Variants in GARRE1 observed in about 807,000 individuals in gnomAD.
GARRE1 encodes granule associated Rac and RHOG effector 1.
A neutral mutation model predicts 103.2 loss-of-function variants in GARRE1; 49 were observed. The observed-to-expected ratio is 0.47, with a 90% confidence interval of 0.38 to 0.60. The LOEUF is 0.60. GARRE1 is among the 20% of genes least tolerant of loss of function. The probability of loss-of-function intolerance (pLI) is 0.00; values close to 1 mark genes in which losing one functional copy is unlikely to be tolerated. For missense variants in GARRE1, 1,199 were observed against 1,370.5 expected (o/e 0.87, Z 1.98); for synonymous variants, 505 against 532.8 (o/e 0.95, Z 0.72).
At chr19:34,290,184 C>T (rs895184564) in intron 1 of GARRE1, among the ~76,000 whole-genome samples, 2 of 151,918 alleles carry the variant, frequency 1.3e-5, no homozygotes, top group Admixed American at 6.6e-5. Context: ...TGGTGAAACC[C>T]AGCTCTATAA....
At chr19:34,332,323 A>G (rs1215272782) in intron 7 of GARRE1, among the ~76,000 whole-genome samples, 3 of 152,186 alleles carry the variant, frequency 2.0e-5, no homozygotes, top group African/African-American at 7.2e-5. Flanking sequence ...TGGCTTTAGT[A>G]TATCGATCCA....
rs547546390 is a variant in GARRE1, at chr19:34,327,159, T to TAAAA, written c.706-261_706-258dup. Among the ~76,000 whole-genome samples, 229 of 122,704 alleles carry TAAAA rather than the reference T, an allele frequency of 1.9e-3. 2 individuals carry two copies. The highest frequency in any genetic ancestry group is 6.0e-3 in the African/African-American group (153 of 25,666). 80.5% of individuals were successfully genotyped at this position (122,704 alleles called of 152,430 possible). On this transcript the variant is annotated intron_variant, in intron 3 of 13. Transcript: ENST00000299505. The stretch of plus-strand genomic sequence containing the variant: ...GACAGAGTAAGACCTTGTCTCAAAA[T>TAAAA]AAAATAAAATAAAATAAAATAAAAT...
At position 34,299,889 on chromosome 19, in the gene GARRE1, G is replaced by T. The variant is rs1272013355; in HGVS notation, c.-585G>T. The T allele has an allele frequency of 1.3e-5, 2 of 152,108 alleles. No individual in the cohort carries two copies. The highest frequency in any genetic ancestry group is 3.8e-4 in the East Asian group (2 of 5,202). 9.4% of individuals were successfully genotyped at this position (152,108 alleles called of 1,614,324 possible). On this transcript the variant is annotated 5_prime_UTR_variant, in exon 2 of 14. Coordinates refer to ENST00000299505, the MANE Select transcript of GARRE1 (RefSeq NM_014686.5). ...TTCAGGAAACATTAGAGGAAATTTG[G>T]AGAATTTCAGCATTGCATAGAAGCA...
chr19:34,286,064 G>A (rs2145226520), intron 1 of GARRE1, among the ~76,000 whole-genome samples: 1 of 152,110 alleles, frequency 6.6e-6, no homozygotes, highest in Admixed American at 6.5e-5. Flanking sequence ...AGGCACAGTG[G>A]CACACGCCTG....
chr19:34,321,278 G>A (rs1477591163), intron 3 of GARRE1, among the ~76,000 whole-genome samples: 12 of 126,420 alleles, frequency 9.5e-5, no homozygotes, highest in South Asian at 2.5e-4. Context: ...GGGTTTCATC[G>A]TGTTAGCCAG....
At chr19:34,276,359 T>C (rs1163134310) in intron 1 of GARRE1, among the ~76,000 whole-genome samples, 1 of 152,172 alleles carries the variant, frequency 6.6e-6, no homozygotes, top group African/African-American at 2.4e-5. Flanking sequence ...TATTTGATCA[T>C]CAGTTTTGGC....
intron 1 of GARRE1, among the ~76,000 whole-genome samples, chr19:34,275,885 T>C (rs1309460920): frequency 3.9e-5 from 6 of 152,170 alleles, no homozygotes; most frequent in Non-Finnish European, 8.8e-5. Context: ...TTGTCAACAC[T>C]TGTTATTGTC....
At chr19:34,255,370 C>T (rs1270321007) in intron 1 of GARRE1, among the ~76,000 whole-genome samples, 1 of 152,212 alleles carries the variant, frequency 6.6e-6, no homozygotes, top group East Asian at 1.9e-4. Flanking sequence ...CTTTGGGGGC[C>T]TCCAGTTTGA....
chr19:34,291,300 CA>C (rs2073916729), intron 1 of GARRE1, among the ~76,000 whole-genome samples: 1 of 152,062 alleles, frequency 6.6e-6, no homozygotes, highest in Non-Finnish European at 1.5e-5. Flanking sequence ...GATTGATGTA[CA>C]AAAAGGAGAC....
chr19:34,282,151 GT>G (rs1039714500), intron 1 of GARRE1, among the ~76,000 whole-genome samples: 16 of 150,320 alleles, frequency 1.1e-4, no homozygotes, highest in Non-Finnish European at 1.9e-4. Flanking sequence ...TTTGCTTTTG[GT>G]TTTTTTTTCT....
intron 1 of GARRE1, among the ~76,000 whole-genome samples, chr19:34,273,411 T>C (rs1009442871): frequency 1.3e-5 from 2 of 152,214 alleles, no homozygotes; most frequent in African/African-American, 4.8e-5. Context: ...TATTTATTTA[T>C]TTTAAGCAGA....
chr19:34,327,624 T>A, intron 4 of GARRE1, 63 bp downstream of exon 4: 1 of 1,575,794 alleles, frequency 6.3e-7, no homozygotes, highest in South Asian at 1.1e-5. Flanking sequence ...GGAGTTAAAG[T>A]TGTGATGTTG....
chr19:34,267,756 A>G (rs1489013620), intron 1 of GARRE1, among the ~76,000 whole-genome samples: 3 of 150,480 alleles, frequency 2.0e-5, no homozygotes, highest in Non-Finnish European at 4.4e-5. Flanking sequence ...TGAATAAATT[A>G]TATAATTGCT....
intron 1 of GARRE1, among the ~76,000 whole-genome samples, chr19:34,260,757 G>A (rs1396360301): frequency 2.0e-5 from 3 of 152,296 alleles, no homozygotes; most frequent in South Asian, 2.1e-4. Context: ...AAGATATTTC[G>A]TAAATGTAGT....
chr19:34,262,315 T>TTTTTTTTG (rs1180314605), intron 1 of GARRE1, among the ~76,000 whole-genome samples: 1 of 143,836 alleles, frequency 7.0e-6, no homozygotes. Context: ...TTTTTTTTTT[T>TTTTTTTTG]GAGGCGGAGT....
intron 1 of GARRE1, among the ~76,000 whole-genome samples, chr19:34,294,007 C>T (rs2073933322): frequency 6.6e-6 from 1 of 151,880 alleles, no homozygotes; most frequent in Admixed American, 6.6e-5. Flanking sequence ...GGTGATCCAT[C>T]TGCCTCAGCC....
At chr19:34,255,987 A>G (rs770487228) in intron 1 of GARRE1, among the ~76,000 whole-genome samples, 8 of 151,454 alleles carry the variant, frequency 5.3e-5, no homozygotes, top group Admixed American at 6.6e-5. Flanking sequence ...GATTACAGGC[A>G]CCCACCACGC....
intron 1 of GARRE1, among the ~76,000 whole-genome samples, chr19:34,257,106 A>AT (rs1469296897): frequency 6.6e-6 from 1 of 151,826 alleles, no homozygotes; most frequent in East Asian, 1.9e-4. Context: ...GCAAGCCTAG[A>AT]TTTTTCAATC....
chr19:34,311,661 A>T (rs1252951803), intron 2 of GARRE1, among the ~76,000 whole-genome samples: 3 of 152,002 alleles, frequency 2.0e-5, no homozygotes, highest in African/African-American at 4.8e-5. Context: ...TCCAGGCTGG[A>T]GTACAGTGGT....
Sources: gnomAD v4.1 joint callset for allele counts (sites outside exome capture counted in the v4.1 genomes callset) on GRCh38, gnomAD v4.1.1 for gene constraint, MANE v1.5 for transcripts, NCBI Gene and HGNC (gene_info 2026-07-23, HGNC 2026-07-21) for gene names.